SCAF8: variants seen among roughly 807,000 people sequenced by gnomAD.
The protein encoded by SCAF8 is SR-related CTD associated factor 8.
Under a neutral mutation model 140.5 loss-of-function variants are expected in SCAF8, and 23 were observed. That is an observed-to-expected ratio of 0.16 (90% CI 0.12 to 0.23). The LOEUF (loss-of-function observed/expected upper bound fraction) is 0.23, where lower values mean the gene tolerates loss of function less well. SCAF8 is among the 10% of genes least tolerant of loss of function. SCAF8 has a pLI of 1.00. For missense variants in SCAF8, 1,397 were observed against 1,555.7 expected (o/e 0.90, Z 1.72); for synonymous variants, 575 against 528.9 (o/e 1.09, Z -1.20).
At chr6:154,817,913 A>C (rs1427958952) in intron 13 of SCAF8, among the ~76,000 whole-genome samples, 1 of 152,178 alleles carries the variant, frequency 6.6e-6, no homozygotes, top group Admixed American at 6.5e-5. Context: ...CTTTATGTTA[A>C]AACTTTGCCA....
intron 1 of SCAF8, among the ~76,000 whole-genome samples, chr6:154,769,962 A>C (rs1004970793): frequency 6.6e-6 from 1 of 152,170 alleles, no homozygotes; most frequent in Non-Finnish European, 1.5e-5. Flanking sequence ...ATTGACCTTT[A>C]CTTTACATAA....
At chr6:154,760,152 G>T (rs1779066361) in intron 1 of SCAF8, among the ~76,000 whole-genome samples, 2 of 152,120 alleles carry the variant, frequency 1.3e-5, no homozygotes, top group Admixed American at 6.5e-5. Context: ...AAATTAGCCA[G>T]ATGTAGTGGT....
At chr6:154,830,511 A>G (rs1778698633) in intron 18 of SCAF8, among the ~76,000 whole-genome samples, 1 of 152,080 alleles carries the variant, frequency 6.6e-6, no homozygotes, top group Non-Finnish European at 1.5e-5. Flanking sequence ...ATGTTAAATG[A>G]ATGTTAGGAC....
intron 12 of SCAF8, among the ~76,000 whole-genome samples, chr6:154,815,213 C>T (rs1778212308): frequency 6.6e-6 from 1 of 152,170 alleles, no homozygotes; most frequent in Non-Finnish European, 1.5e-5. Context: ...AGGAGAATGG[C>T]ATGAACCTGG....
intron 1 of SCAF8, among the ~76,000 whole-genome samples, chr6:154,757,909 CTTTTTT>C (rs750337401): frequency 3.0e-5 from 4 of 132,654 alleles, no homozygotes; most frequent in Non-Finnish European, 6.5e-5. Flanking sequence ...GTAAGTTTCA[CTTTTTT>C]TTTTTTTTTT....
intron 13 of SCAF8, among the ~76,000 whole-genome samples, chr6:154,817,949 T>G (rs1778299648): frequency 6.6e-6 from 1 of 152,200 alleles, no homozygotes; most frequent in South Asian, 2.1e-4. Flanking sequence ...AATAAAGTTT[T>G]ATAAGACTGA....
intron 17 of SCAF8, among the ~76,000 whole-genome samples, chr6:154,825,900 C>T (rs1382007990): frequency 7.2e-5 from 11 of 151,984 alleles, no homozygotes; most frequent in Non-Finnish European, 1.5e-4. Context: ...CCTAGAAACT[C>T]TAATTCAAGA....
chr6:154,819,872 C>T (rs1778361692), intron 14 of SCAF8, among the ~76,000 whole-genome samples: 1 of 151,968 alleles, frequency 6.6e-6, no homozygotes, highest in Non-Finnish European at 1.5e-5. Context: ...GCCTGCAGTC[C>T]CAGCTGCTGC....
intron 3 of SCAF8, among the ~76,000 whole-genome samples, chr6:154,781,549 G>A (rs1335593955): frequency 6.6e-6 from 1 of 152,160 alleles, no homozygotes; most frequent in African/African-American, 2.4e-5. Flanking sequence ...TAAGCAAAAA[G>A]AACAAAGCTG....
At chr6:154,793,641 C>G (rs959692195) in intron 5 of SCAF8, among the ~76,000 whole-genome samples, 7 of 151,130 alleles carry the variant, frequency 4.6e-5, no homozygotes, top group African/African-American at 1.7e-4. Context: ...ATAGTGAAAC[C>G]CTGTCTACAT....
At chr6:154,828,688 G>C (rs1778640413) in intron 18 of SCAF8, among the ~76,000 whole-genome samples, 1 of 151,964 alleles carries the variant, frequency 6.6e-6, no homozygotes, top group Non-Finnish European at 1.5e-5. Context: ...TTTCCAGTTG[G>C]GGTATGGTAT....
intron 12 of SCAF8, among the ~76,000 whole-genome samples, chr6:154,810,645 A>G (rs1778063383): frequency 6.6e-6 from 1 of 152,200 alleles, no homozygotes; most frequent in Non-Finnish European, 1.5e-5. Context: ...GATAATTCCT[A>G]CTGTACAAAC....
At chr6:154,779,779 GTGTATA>G (rs778273158) in intron 3 of SCAF8, among the ~76,000 whole-genome samples, 31 of 97,654 alleles carry the variant, frequency 3.2e-4, no homozygotes, top group Middle Eastern at 4.9e-3. Context: ...GTGTGTGTGT[GTGTATA>G]TATATATATA....
At chr6:154,803,770 G>C (rs1270682815) in intron 8 of SCAF8, 147 bp downstream of exon 8, 3 of 601,354 alleles carry the variant, frequency 5.0e-6, no homozygotes, top group Admixed American at 3.1e-5. Flanking sequence ...GATATGTCTT[G>C]TTGTCTCTTT....
chr6:154,805,347 T>G (rs2114904588), intron 8 of SCAF8, 22 bp from the exon 9 acceptor site: 2 of 1,385,268 alleles, frequency 1.4e-6, no homozygotes, highest in Non-Finnish European at 2.0e-6. Context: ...TAAAATATGT[T>G]TCCACCTGTT....
intron 3 of SCAF8, among the ~76,000 whole-genome samples, chr6:154,778,769 ATGTGTGTGTGTGTGTGTGTGTGTGTG>A (rs71021079): frequency 7.0e-6 from 1 of 142,060 alleles, no homozygotes; most frequent in African/African-American, 2.6e-5. Flanking sequence ...GTCTCAAAAA[ATGTGTGTGTGTGTGTGTGTGTGTGTG>A]TGTGTGTGTG....
At chr6:154,768,578 C>G (rs145234811) in intron 1 of SCAF8, among the ~76,000 whole-genome samples, 202 of 152,160 alleles carry the variant, frequency 1.3e-3, no homozygotes, top group East Asian at 7.0e-3. Context: ...TTATGTTTCT[C>G]TCTCCTGTGA....
rs1206284430 is a variant in SCAF8, at chr6:154,830,975, T to G, written c.2194T>G (p.Phe732Val). ...ACCGGAAACTGTGAAAGATGTTGGA[T>G]TTGGTAGCCTTGTTATACCAGGCGG... The part of the protein sequence containing the change: ...MTPETVKDVG[F>V]GSLVIPGGSV... The change falls in exon 19 of 20, where the codon TTT becomes GTT. Residue 732 changes from phenylalanine to valine, a missense_variant. By Grantham distance (50) the Phe-to-Val change is conservative. This residue lies in a region of SCAF8 where 930 missense variants were observed against 874.6 expected (regional missense o/e 1.06). Coordinates refer to ENST00000367178, the MANE Select transcript of SCAF8 (RefSeq NM_014892.5). The G allele has an allele frequency of 1.9e-6, 3 of 1,614,122 alleles. No individual in the cohort carries two copies. The Admixed American group carries it at 5.0e-5, about 27-fold the overall frequency.
At chr6:154,771,272 A>G (rs1776759721) in intron 1 of SCAF8, among the ~76,000 whole-genome samples, 1 of 152,226 alleles carries the variant, frequency 6.6e-6, no homozygotes, top group Non-Finnish European at 1.5e-5. Context: ...GGAGGTCGGG[A>G]AGCCTTTCCT....
Sources: gnomAD v4.1 joint callset for allele counts (sites outside exome capture counted in the v4.1 genomes callset) on GRCh38, gnomAD v4.1.1 for gene constraint, gnomAD v4.1.1 regional missense constraint, MANE v1.5 for transcripts, NCBI Gene and HGNC (gene_info 2026-07-23, HGNC 2026-07-21) for gene names.